LYST: variants seen among roughly 807,000 people sequenced by gnomAD.
LYST encodes lysosomal-trafficking regulator.
A neutral mutation model predicts 413.6 loss-of-function variants in LYST; 192 were observed. That is an observed-to-expected ratio of 0.46 (90% confidence interval 0.41 to 0.52). The LOEUF (loss-of-function observed/expected upper bound fraction) is 0.52, where lower values mean the gene tolerates loss of function less well. Among genes scored for constraint, LYST ranks in the 20% least tolerant of loss-of-function variants. The pLI is 0.00. For missense variants in LYST, 3,815 were observed against 4,499.9 expected (o/e 0.85, Z 4.35); for synonymous variants, 1,525 against 1,567.3 (o/e 0.97, Z 0.64).
Position 235,733,508 on chromosome 1 carries a change from A to C in LYST, c.8796T>G (p.His2932Gln). 1 of 1,613,876 alleles carries C rather than the reference A, an allele frequency of 6.2e-7. No individual in the cohort carries two copies. ...ACTGACCTCCCGCAGCTTACCTATC[A>C]TGTGTCAGCTGCTGAATAAGTTCCT... ...HWQELIQQLT[H>Q]DRAVWYDPIY... is the part of the protein sequence containing the mutation. The change falls in exon 34 of 53, where the codon CAT (histidine) becomes CAG (glutamine). Residue 2932 changes from histidine (H) to glutamine (Q), a missense_variant. Transcript: ENST00000389793.
chr1:235,821,004 G>A, intron 3 of LYST, among the ~76,000 whole-genome samples: 1 of 152,226 alleles, frequency 6.6e-6, no homozygotes, highest in Non-Finnish European at 1.5e-5. Context: ...TTAAAAAATA[G>A]TATTTTTATT....
intron 28 of LYST, among the ~76,000 whole-genome samples, chr1:235,748,724 A>G (rs1184979136): frequency 6.6e-6 from 1 of 152,196 alleles, no homozygotes; most frequent in Non-Finnish European, 1.5e-5. Context: ...GATTAATCTG[A>G]CAATAAAATG....
chr1:235,758,933 A>C (rs1002454115), intron 23 of LYST, 39 bp downstream of exon 23: 32 of 1,604,400 alleles, frequency 2.0e-5, no homozygotes, highest in Non-Finnish European at 2.7e-5. Context: ...AAGAATAGTA[A>C]AATAAAGGTG....
intron 44 of LYST, among the ~76,000 whole-genome samples, chr1:235,708,142 A>G (rs929912401): frequency 6.6e-6 from 1 of 152,188 alleles, no homozygotes; most frequent in Non-Finnish European, 1.5e-5. Flanking sequence ...AGATAAGGTT[A>G]CCAAATAGCA....
At chr1:235,866,253 G>A (rs1163878842) in intron 1 of LYST, among the ~76,000 whole-genome samples, 1 of 152,152 alleles carries the variant, frequency 6.6e-6, no homozygotes, top group Non-Finnish European at 1.5e-5. Flanking sequence ...GGGATCCCCT[G>A]GAAAGAGAGG....
intron 48 of LYST, among the ~76,000 whole-genome samples, chr1:235,684,456 T>A (rs766191808): frequency 2.6e-5 from 4 of 152,122 alleles, no homozygotes; most frequent in Non-Finnish European, 4.4e-5. Flanking sequence ...AATCGATTTG[T>A]AGGGGAAGTC....
chr1:235,780,986 G>A lies in LYST; in HGVS notation c.5093C>T (p.Pro1698Leu). Residue 1698 changes from proline (P) to leucine (L), a missense_variant, in exon 16 of 53, where the codon CCA becomes CTA. Around this residue, in one of 4 missense-constraint regions of LYST, gnomAD observed 530 missense variants for 696.5 expected, o/e 0.76. Transcript: ENST00000389793. Reference protein sequence around the residue: ...ACGPNHTSVMPCKYGKPVNDY... With the variant: ...ACGPNHTSVMLCKYGKPVNDY... ...ATTGACTGGCTTGCCATACTTACAT[G>A]GCATTACAGATGTATGGTTGGGTCC... 1 of 1,610,348 alleles carries A rather than the reference G, an allele frequency of 6.2e-7. No individual in the cohort carries two copies. The highest frequency in any genetic ancestry group is 1.1e-5 in the South Asian group (1 of 90,698).
At chr1:235,713,751 C>G (rs1662601210) in intron 42 of LYST, among the ~76,000 whole-genome samples, 1 of 152,136 alleles carries the variant, frequency 6.6e-6, no homozygotes, top group African/African-American at 2.4e-5. Context: ...GGTGGAGAAT[C>G]CCTGCATTAA....
At chr1:235,711,370 A>C (rs924029270) in intron 43 of LYST, among the ~76,000 whole-genome samples, 1 of 152,220 alleles carries the variant, frequency 6.6e-6, no homozygotes, top group Non-Finnish European at 1.5e-5. Context: ...TCAATAATCA[A>C]TCAAACAACC....
At chr1:235,713,436 A>G (rs922997584) in intron 42 of LYST, among the ~76,000 whole-genome samples, 19 of 152,240 alleles carry the variant, frequency 1.2e-4, no homozygotes, top group African/African-American at 4.6e-4. Context: ...GGTTCTGTTC[A>G]GATTTTAAGA....
At chr1:235,777,006 T>C in intron 17 of LYST, 57 bp downstream of exon 17, 1 of 1,500,550 alleles carries the variant, frequency 6.7e-7, no homozygotes, top group Non-Finnish European at 9.2e-7. Context: ...TCCTTTAATT[T>C]ATCAATAATA....
intron 47 of LYST, among the ~76,000 whole-genome samples, chr1:235,688,691 A>G (rs973136216): frequency 1.3e-5 from 2 of 152,154 alleles, no homozygotes; most frequent in Non-Finnish European, 2.9e-5. Flanking sequence ...GAGTCTTTAT[A>G]TAACAAAATC....
At chr1:235,850,746 T>C (rs189038437) in intron 1 of LYST, among the ~76,000 whole-genome samples, 9 of 152,256 alleles carry the variant, frequency 5.9e-5, no homozygotes, top group Admixed American at 2.6e-4. Context: ...AAAGAAGATA[T>C]ATAAATGGCC....
At chr1:235,817,295 T>C (rs1046302976) in intron 3 of LYST, among the ~76,000 whole-genome samples, 5 of 152,068 alleles carry the variant, frequency 3.3e-5, no homozygotes, top group African/African-American at 1.2e-4. Context: ...TTAGTTCAGC[T>C]ATTGTGGAAA....
rs1001555884 is a variant in LYST, at chr1:235,677,078, G to A, written c.11038+13C>T. The A allele has an allele frequency of 1.9e-6, 3 of 1,605,136 alleles. No homozygotes were observed. The highest frequency in any genetic ancestry group is 1.3e-5 in the African/African-American group (1 of 74,726). The stretch of plus-strand genomic sequence containing the variant: ...ACCAGCCAGCCCTGTGCTTTGGGTT[G>A]GAGCAAGCTCACCTGAATCACACAC... On this transcript the variant is annotated intron_variant, in intron 50 of 52. Transcript: ENST00000389793.
chr1:235,756,025 C>G (rs1667013574), intron 24 of LYST, among the ~76,000 whole-genome samples: 1 of 124,348 alleles, frequency 8.0e-6, no homozygotes, highest in African/African-American at 2.9e-5. Context: ...ATATCTATAT[C>G]TATATCTATA....
At chr1:235,739,346 G>A (rs924787618) in intron 31 of LYST, among the ~76,000 whole-genome samples, 9 of 152,132 alleles carry the variant, frequency 5.9e-5, no homozygotes, top group Non-Finnish European at 7.4e-5. Flanking sequence ...GATGTTTACC[G>A]TGTGTTATAT....
intron 46 of LYST, among the ~76,000 whole-genome samples, chr1:235,694,195 A>G (rs1660905984): frequency 6.6e-6 from 1 of 151,196 alleles, no homozygotes; most frequent in African/African-American, 2.4e-5. Context: ...TTGTATTTTT[A>G]GTAGAGACGG....
chr1:235,687,142 C>T, intron 47 of LYST, 95 bp from the exon 48 acceptor site: 1 of 880,598 alleles, frequency 1.1e-6, no homozygotes, highest in South Asian at 1.5e-5. Context: ...AATACTTCTA[C>T]TTTTCTGACA....
Sources: allele counts gnomAD v4.1 joint callset (sites outside exome capture counted in the v4.1 genomes callset), GRCh38; gene constraint gnomAD v4.1.1; regional missense constraint gnomAD v4.1.1; transcripts MANE v1.5; gene names NCBI Gene and HGNC (gene_info 2026-07-23, HGNC 2026-07-21).